Variants in ADCK1 observed in about 807,000 individuals in gnomAD.
The protein encoded by ADCK1 is aarF domain containing kinase 1.
A neutral mutation model predicts 52.3 loss-of-function variants in ADCK1; 41 were observed. That is an observed-to-expected ratio of 0.78 (90% CI 0.61 to 1.02). The LOEUF (loss-of-function observed/expected upper bound fraction) is 1.02. Among genes scored for constraint, ADCK1 ranks in the 50% least tolerant of loss-of-function variants. The pLI is 0.00. For synonymous variants in ADCK1, 250 were observed against 274.6 expected (o/e 0.91, Z 0.89); for missense variants, 658 against 679.5 (o/e 0.97, Z 0.35).
chr14:77,920,990 A>T (rs114888357), intron 7 of ADCK1, among the ~76,000 whole-genome samples: 2,915 of 151,762 alleles, frequency 0.019, 84 homozygotes, highest in African/African-American at 0.067. Flanking sequence ...AAACTTTGAA[A>T]ATTAGGCTTT....
At chr14:77,877,265 C>T (rs377454818) in intron 4 of ADCK1, among the ~76,000 whole-genome samples, 2 of 152,102 alleles carry the variant, frequency 1.3e-5, no homozygotes, top group Admixed American at 1.3e-4. Flanking sequence ...CTTTTGGCTC[C>T]GAGGCAAGCA....
chr14:77,931,390 A>T, intron 9 of ADCK1, 128 bp from the exon 10 acceptor site: 1 of 906,060 alleles, frequency 1.1e-6, no homozygotes, highest in Non-Finnish European at 1.7e-6. Context: ...GTGCCAAGAC[A>T]GCGGTGCCTG....
rs540002098 is a variant in ADCK1 at position 77,852,148 on chromosome 14, G to A, written c.220-6928G>A. 1.2e-4 allele frequency among the ~76,000 whole-genome samples: 19 copies of A among 152,088 alleles called. No homozygotes were observed. In the East Asian group the frequency reaches 2.3e-3, roughly 19 times the overall value. The stretch of plus-strand genomic sequence containing the variant: ...AGAGTAGCTGGGACTACAGGTGCGC[G>A]CCACCACGCCTGGCTAATTTTTATA... On this transcript the variant is annotated intron_variant, in intron 3 of 10. Coordinates refer to ENST00000238561, the MANE Select transcript of ADCK1 (RefSeq NM_020421.4).
In ADCK1 at chr14:77,899,080, G is replaced by A. The variant is rs962967032; in HGVS notation, c.583-20G>A. 6.2e-7 allele frequency: 1 copy of A among 1,612,768 alleles called. No homozygotes were observed. On this transcript the variant is annotated intron_variant, in intron 5 of 10. Transcript: ENST00000238561. ...GTATATGCTGTGGGCCAAATGACTG[G>A]GGTGCTTGTTGGATTTCAGGTGCTC...
At chr14:77,899,012 A>T in intron 5 of ADCK1, 88 bp from the exon 6 acceptor site, 1 of 1,547,864 alleles carries the variant, frequency 6.5e-7, no homozygotes, top group South Asian at 1.2e-5. Context: ...AGTTTCCCTT[A>T]CTCTAGGGGA....
At chr14:77,811,629 C>A (rs2081340524) in intron 1 of ADCK1, among the ~76,000 whole-genome samples, 1 of 152,034 alleles carries the variant, frequency 6.6e-6, no homozygotes, top group Non-Finnish European at 1.5e-5. Context: ...ATAGAGAGAC[C>A]CTGTCACTAC....
chr14:77,903,022 T>C (rs1306561338), intron 6 of ADCK1, among the ~76,000 whole-genome samples: 1 of 152,136 alleles, frequency 6.6e-6, no homozygotes, highest in Non-Finnish European at 1.5e-5. Flanking sequence ...GACAGAACCA[T>C]CTCCTCTACT....
At chr14:77,837,478 T>A (rs1302335832) in intron 3 of ADCK1, among the ~76,000 whole-genome samples, 1 of 152,214 alleles carries the variant, frequency 6.6e-6, no homozygotes, top group East Asian at 1.9e-4. Context: ...AAGACCCTTT[T>A]TTCTGAATAA....
intron 3 of ADCK1, among the ~76,000 whole-genome samples, chr14:77,828,515 G>A (rs921343283): frequency 8.6e-5 from 13 of 151,856 alleles, no homozygotes; most frequent in African/African-American, 2.7e-4. Flanking sequence ...AGACCTTTCC[G>A]TTCTCCCCTA....
chr14:77,927,244 T>A (rs1345451978), intron 9 of ADCK1, among the ~76,000 whole-genome samples: 2 of 152,244 alleles, frequency 1.3e-5, no homozygotes. Context: ...TTCCTCCAAG[T>A]TGACATCCTT....
At chr14:77,836,409 G>A (rs759007909) in intron 3 of ADCK1, among the ~76,000 whole-genome samples, 4 of 152,184 alleles carry the variant, frequency 2.6e-5, no homozygotes, top group Non-Finnish European at 5.9e-5. Context: ...TTTTACAGTA[G>A]CCCAATGAGG....
Position 77,907,928 on chromosome 14 carries a change from A to G in ADCK1, c.858+9A>G. The G allele has an allele frequency of 6.2e-7, 1 of 1,611,030 alleles. No individual in the cohort carries two copies. Among genetic ancestry groups the G allele is most frequent in the Admixed American group, 1.7e-5 (1 of 59,986 alleles). ...AGATCGACGTCAATGAGGTGAGGTC[A>G]AGAGCTCAGGGCTGCTGTGCCGGGG... is the stretch of plus-strand genomic sequence containing the variant. On this transcript the variant is annotated intron_variant, in intron 7 of 10. Coordinates refer to ENST00000238561, the MANE Select transcript of ADCK1 (RefSeq NM_020421.4).
chr14:77,922,929 A>G lies in ADCK1; in HGVS notation c.859-1528A>G, dbSNP rs553204606. Among the ~76,000 whole-genome samples the G allele has an allele frequency of 7.2e-5, 11 of 152,354 alleles. No homozygotes were observed. The East Asian group carries it at 1.2e-3, about 16-fold the overall frequency. On this transcript the variant is annotated intron_variant, in intron 7 of 10. Transcript: ENST00000238561. ...GAATAAACATCGAGGCAGGAACCACAGCATCTTAGGAAAACAGAGAGATGA... is the reference window on the plus strand; with the variant it reads ...GAATAAACATCGAGGCAGGAACCACGGCATCTTAGGAAAACAGAGAGATGA...
At chr14:77,912,134 A>G (rs967451184) in intron 7 of ADCK1, among the ~76,000 whole-genome samples, 1 of 152,070 alleles carries the variant, frequency 6.6e-6, no homozygotes, top group Non-Finnish European at 1.5e-5. Flanking sequence ...TCTGGAATCT[A>G]TTTTGTTTCA....
intron 1 of ADCK1, among the ~76,000 whole-genome samples, chr14:77,810,151 T>C (rs1288443740): frequency 1.3e-5 from 2 of 152,092 alleles, no homozygotes; most frequent in African/African-American, 4.8e-5. Flanking sequence ...CTTGCTCTGT[T>C]GCCTAGGGTA....
At chr14:77,830,390 A>C (rs1172402603) in intron 3 of ADCK1, among the ~76,000 whole-genome samples, 1 of 151,054 alleles carries the variant, frequency 6.6e-6, no homozygotes, top group Non-Finnish European at 1.5e-5. Context: ...CCTGACCTCA[A>C]ATGATCTGCC....
intron 3 of ADCK1, among the ~76,000 whole-genome samples, chr14:77,856,985 C>CAA (rs200093238): frequency 7.0e-6 from 1 of 143,784 alleles, no homozygotes; most frequent in African/African-American, 2.5e-5. Context: ...CTGGGTGTCT[C>CAA]CAAAAAAAAA....
At chr14:77,856,548 G>C (rs1012060976) in intron 3 of ADCK1, among the ~76,000 whole-genome samples, 2 of 148,854 alleles carry the variant, frequency 1.3e-5, no homozygotes, top group Admixed American at 1.4e-4. Flanking sequence ...CTAGCTTGGG[G>C]ACTAGGGCCC....
chr14:77,911,042 A>C (rs561539767), intron 7 of ADCK1, among the ~76,000 whole-genome samples: 24 of 152,334 alleles, frequency 1.6e-4, no homozygotes, highest in South Asian at 4.2e-4. Flanking sequence ...CTGATATCAG[A>C]GTTATTTGGG....
Sources: allele counts gnomAD v4.1 joint callset (sites outside exome capture counted in the v4.1 genomes callset), GRCh38; gene constraint gnomAD v4.1.1; transcripts MANE v1.5; gene names NCBI Gene and HGNC (gene_info 2026-07-23, HGNC 2026-07-21).